The following DAB1 variants were observed in gnomAD, a reference collection of about 807,000 sequenced individuals.
DAB1 encodes the protein DAB adaptor protein 1.
A neutral mutation model predicts 64.6 loss-of-function variants in DAB1; 15 were observed. The ratio of observed to expected loss-of-function variants is 0.23; its 90% confidence interval spans 0.16 to 0.36. DAB1 has a LOEUF of 0.36. DAB1 is among the 10% of genes least tolerant of loss of function. The pLI, the probability that DAB1 is intolerant of heterozygous loss-of-function variation, is 1.00. For synonymous variants in DAB1, 235 were observed against 251.9 expected, an observed-to-expected ratio of 0.93 and a Z score of 0.64; for missense variants, 596 against 706.7, an observed-to-expected ratio of 0.84 and a Z score of 1.78.
chr1:58,153,568 T>C (rs1395986922), intron 4 of DAB1, among the ~76,000 whole-genome samples: 3 of 152,126 alleles, frequency 2.0e-5, no homozygotes, highest in Non-Finnish European at 4.4e-5. Context: ...TACATCAAAA[T>C]GTGAAAAACT....
intron 7 of DAB1, among the ~76,000 whole-genome samples, chr1:57,641,540 C>A (rs936832914): frequency 6.6e-6 from 1 of 151,838 alleles, no homozygotes; most frequent in African/African-American, 2.4e-5. Flanking sequence ...CCCGCCACTA[C>A]GCCTGGCTAA....
rs142916166 is a variant in DAB1 at position 57,198,948 on chromosome 1, T to A, written c.68-53519A>T. On this transcript the variant is annotated intron_variant, in intron 2 of 14. Transcript: ENST00000371236. ...TAGATCCCAAGGTCAAGGTCTTGCC[T>A]GTGAAGGTCAGCAGCTTGCAATCAG... 3.5e-3 allele frequency among the ~76,000 whole-genome samples: 530 copies of A among 152,276 alleles called. 2 individuals are homozygous for A. The highest frequency in any genetic ancestry group is 0.011 in the African/African-American group (477 of 41,562).
chr1:57,600,245 G>A (rs921852729), intron 7 of DAB1, among the ~76,000 whole-genome samples: 11 of 152,068 alleles, frequency 7.2e-5, no homozygotes, highest in Non-Finnish European at 1.2e-4. Context: ...CCATCATCTC[G>A]CTCACACATT....
chr1:57,361,034 T>C (rs1433071757), intron 1 of DAB1, among the ~76,000 whole-genome samples: 1 of 151,868 alleles, frequency 6.6e-6, no homozygotes, highest in African/African-American at 2.4e-5. Flanking sequence ...TAACACACAA[T>C]TAAAATGCAG....
At chr1:58,037,121 G>A (rs994702970) in intron 5 of DAB1, among the ~76,000 whole-genome samples, 38 of 151,964 alleles carry the variant, frequency 2.5e-4, no homozygotes, top group Non-Finnish European at 1.2e-4. Context: ...CTGACTCCAC[G>A]TATTGTCTCT....
chr1:58,351,663 C>T (rs993446754), intron 3 of DAB1, among the ~76,000 whole-genome samples: 5 of 151,576 alleles, frequency 3.3e-5, no homozygotes, highest in East Asian at 3.9e-4. Context: ...GCCAAGAAGA[C>T]GCCCATGCCA....
chr1:58,456,340 T>A (rs77740907), intron 3 of DAB1, among the ~76,000 whole-genome samples: 15,230 of 152,266 alleles, frequency 0.1, 859 homozygotes, highest in Middle Eastern at 0.18. Context: ...TCTACATTCA[T>A]AATCACTATG....
chr1:57,883,891 T>C (rs1469697698), intron 1 of DAB1: 1 of 152,160 alleles, frequency 6.6e-6, no homozygotes, highest in African/African-American at 2.4e-5. Context: ...AGGAAGAGTA[T>C]TGGAGCCGCT....
At chr1:57,662,384 T>C (rs1570716181) in intron 6 of DAB1, among the ~76,000 whole-genome samples, 1 of 152,062 alleles carries the variant, frequency 6.6e-6, no homozygotes, top group South Asian at 2.1e-4. Flanking sequence ...TTAGTAGAGA[T>C]GGGGTTTCTC....
intron 7 of DAB1, among the ~76,000 whole-genome samples, chr1:57,605,165 A>G (rs888976441): frequency 2.0e-5 from 3 of 152,056 alleles, no homozygotes; most frequent in Non-Finnish European, 4.4e-5. Context: ...CTTTCCTCCT[A>G]TTTCCTACTG....
intron 1 of DAB1, among the ~76,000 whole-genome samples, chr1:57,315,744 C>T (rs749348878): frequency 2.0e-5 from 3 of 152,246 alleles, no homozygotes; most frequent in East Asian, 1.9e-4. Flanking sequence ...CCTCGTGATC[C>T]GCCCGCCTTG....
intron 2 of DAB1, among the ~76,000 whole-genome samples, chr1:58,518,380 AAAG>A (rs1409924895): frequency 6.7e-6 from 1 of 148,236 alleles, no homozygotes; most frequent in African/African-American, 2.5e-5. Context: ...GAAGGGAAGA[AAAG>A]AAAAGAAAAA....
chr1:57,424,857 G>C (rs1685213633), upstream of DAB1, among the ~76,000 whole-genome samples: 1 of 152,160 alleles, frequency 6.6e-6, no homozygotes, highest in African/African-American at 2.4e-5. Flanking sequence ...AGAGCACGCA[G>C]ACCACGGTTA....
chr1:58,199,780 T>C (rs1020437190), intron 4 of DAB1, among the ~76,000 whole-genome samples: 2 of 152,202 alleles, frequency 1.3e-5, no homozygotes, highest in African/African-American at 4.8e-5. Flanking sequence ...CCTTGAATTT[T>C]CAGTGGCTTC....
At chr1:57,467,764 TG>T (rs1687003108) in intron 7 of DAB1, among the ~76,000 whole-genome samples, 1 of 152,150 alleles carries the variant, frequency 6.6e-6, no homozygotes, top group Admixed American at 6.6e-5. Context: ...AAATAGAGAA[TG>T]ATTCAAAACA....
chr1:57,799,591 G>T (rs1651032276), intron 6 of DAB1, among the ~76,000 whole-genome samples: 1 of 151,932 alleles, frequency 6.6e-6, no homozygotes, highest in Non-Finnish European at 1.5e-5. Flanking sequence ...GATCTGGGGG[G>T]GGCTTTCAGG....
intron 4 of DAB1, among the ~76,000 whole-genome samples, chr1:58,288,443 T>C (rs1661742264): frequency 6.6e-6 from 1 of 152,152 alleles, no homozygotes; most frequent in African/African-American, 2.4e-5. Context: ...TGAAATTCTA[T>C]CCCTTAGTCT....
intron 6 of DAB1, among the ~76,000 whole-genome samples, chr1:57,705,476 A>G (rs1454498922): frequency 6.6e-6 from 1 of 152,124 alleles, no homozygotes; most frequent in Non-Finnish European, 1.5e-5. Flanking sequence ...CATTAAAAAT[A>G]TATTTCTCCT....
chr1:58,527,482 T>TA (rs1646370967), intron 1 of DAB1: 1 of 580,048 alleles, frequency 1.7e-6, no homozygotes, highest in Non-Finnish European at 3.1e-6. Context: ...AACTCCATGA[T>TA]ATAAAATATA....
Sources: gnomAD v4.1 joint callset for allele counts (sites outside exome capture counted in the v4.1 genomes callset) on GRCh38, gnomAD v4.1.1 for gene constraint, MANE v1.5 for transcripts, NCBI Gene and HGNC (gene_info 2026-07-23, HGNC 2026-07-21) for gene names.